The following TMIE variants were observed in gnomAD, a reference collection of about 807,000 sequenced individuals.
TMIE encodes transmembrane inner ear.
A neutral mutation model predicts 16.8 loss-of-function variants in TMIE; 14 were observed. The ratio of observed to expected loss-of-function variants is 0.83; its 90% CI spans 0.55 to 1.30. The LOEUF (loss-of-function observed/expected upper bound fraction) is 1.30, where lower values mean the gene tolerates loss of function less well. Ranked by LOEUF, TMIE falls within the 50% of genes most tolerant of loss-of-function variation. The probability of loss-of-function intolerance (pLI) is 0.00; values close to 1 mark genes in which losing one functional copy is unlikely to be tolerated. For missense variants in TMIE, 204 were observed against 205.9 expected (o/e 0.99, Z 0.06); for synonymous variants, 75 against 87.2 (o/e 0.86, Z 0.78).
At chr3:46,697,137 T>C (rs750440059), upstream of TMIE, among the ~76,000 whole-genome samples, 1 of 151,342 alleles carries the variant, frequency 6.6e-6, no homozygotes. Flanking sequence ...AAAAAACCCA[T>C]GTGGTGTTAG....
At chr3:46,706,488 T>A (rs1343473686) in intron 2 of TMIE, among the ~76,000 whole-genome samples, 2 of 151,930 alleles carry the variant, frequency 1.3e-5, no homozygotes, top group Admixed American at 1.3e-4. Context: ...CCCCTCAGAA[T>A]GGAGGTCTGG....
In TMIE at chr3:46,701,651, C is replaced by T. The variant is rs1700479520; in HGVS notation, c.93+71C>T. ...GCAGGGGGCTGGGGGAGAGGGGACG[C>T]CTTTTTGATCCGGAGCTTGTTTGAT... On this transcript the variant is annotated intron_variant, in intron 1 of 3. Coordinates refer to ENST00000643606, the MANE Select transcript of TMIE (RefSeq NM_147196.3). The surrounding 1 kb of genome is among the most constrained non-coding windows in gnomAD (Gnocchi z 4.3). 5 of 1,159,500 alleles carry T rather than the reference C, an allele frequency of 4.3e-6. No individual in the cohort carries two copies. In the South Asian group the frequency reaches 1.6e-4, roughly 38 times the overall value. The allele number at this position is 1,159,500 out of a possible 1,614,324, so 71.8% of individuals were successfully genotyped here. A position where few individuals can be genotyped will look rare whatever the true frequency, so the allele number is the denominator to read the frequency against.
upstream of TMIE, among the ~76,000 whole-genome samples, chr3:46,698,842 A>C (rs939874739): frequency 6.8e-6 from 1 of 147,528 alleles, no homozygotes. Flanking sequence ...TTCTTTTTTT[A>C]TTTTTTATTT....
At chr3:46,708,956 T>TTG (rs1400383710) in intron 2 of TMIE, among the ~76,000 whole-genome samples, 170 bp from the exon 3 acceptor site, 10 of 152,192 alleles carry the variant, frequency 6.6e-5, no homozygotes, top group Admixed American at 5.9e-4. Flanking sequence ...GAAAGCCACC[T>TTG]TGGTCATCAT....
chr3:46,702,776 C>T (rs186423725), intron 1 of TMIE, among the ~76,000 whole-genome samples: 42 of 152,272 alleles, frequency 2.8e-4, no homozygotes, highest in African/African-American at 1.0e-3. Context: ...TAGCCTGTCC[C>T]TGCTGTTGCC....
rs149011944 is a variant in TMIE, at chr3:46,704,947, C to T, written c.94-843C>T. On this transcript the variant is annotated intron_variant, in intron 1 of 3. Transcript: ENST00000643606. ...CCCTCAGACCTGGGCAGAACTATGT[C>T]CCCTAGACACCCAGGAGAAGGGCTG... Among the ~76,000 whole-genome samples, 67 of 152,160 alleles carry T rather than the reference C, an allele frequency of 4.4e-4. 1 individual carries two copies. The East Asian group carries it at 0.012, about 28-fold the overall frequency.
chr3:46,708,906 A>G (rs906029725), intron 2 of TMIE, among the ~76,000 whole-genome samples: 5 of 152,228 alleles, frequency 3.3e-5, no homozygotes, highest in African/African-American at 9.6e-5. Flanking sequence ...CCTTCCAAGC[A>G]CGGGGGCCTG....
At chr3:46,700,923 C>T (rs1392495130), upstream of TMIE, among the ~76,000 whole-genome samples, 1 of 151,916 alleles carries the variant, frequency 6.6e-6, no homozygotes, top group African/African-American at 2.4e-5. Context: ...ATCCCCTGCT[C>T]TCCAGCTCTG....
At chr3:46,706,016 CA>C (rs1700548675) in intron 2 of TMIE, 109 bp downstream of exon 2, 2 of 1,164,070 alleles carry the variant, frequency 1.7e-6, no homozygotes, top group Non-Finnish European at 2.6e-6. Context: ...GTAGGCCAGG[CA>C]CCCGCAGGAG....
rs1367840958 is a variant in TMIE at position 46,701,770 on chromosome 3, A to T, written c.93+190A>T. Among the ~76,000 whole-genome samples the T allele has an allele frequency of 6.6e-6, 1 of 152,066 alleles. No individual in the cohort carries two copies. The highest frequency in any genetic ancestry group is 2.4e-5 in the African/African-American group (1 of 41,386). On this transcript the variant is annotated intron_variant, in intron 1 of 3. Transcript: ENST00000643606. The surrounding 1 kb of genome is among the most constrained non-coding windows in gnomAD (Gnocchi z 4.3). ...GTGAGAGAGACTCAGCCCCACTCTT[A>T]GGGTCCCTGGTCTGATGGAAGGGCA...
upstream of TMIE, among the ~76,000 whole-genome samples, chr3:46,698,493 C>T (rs1320612709): frequency 6.6e-6 from 1 of 151,974 alleles, no homozygotes; most frequent in Non-Finnish European, 1.5e-5. Flanking sequence ...TGCTATGTTG[C>T]CCAGGCTAGT....
At chr3:46,707,537 C>G (rs966602552) in intron 2 of TMIE, among the ~76,000 whole-genome samples, 3 of 152,208 alleles carry the variant, frequency 2.0e-5, no homozygotes, top group African/African-American at 7.2e-5. Flanking sequence ...AGCATCACCC[C>G]CAAAGCCCTG....
At chr3:46,707,014 G>C (rs537836618) in intron 2 of TMIE, among the ~76,000 whole-genome samples, 5 of 152,376 alleles carry the variant, frequency 3.3e-5, no homozygotes, top group South Asian at 2.1e-4. Flanking sequence ...GCTGTCCCAA[G>C]AGAAAATATC....
chr3:46,705,148 A>T (rs963607067), intron 1 of TMIE, among the ~76,000 whole-genome samples: 28 of 152,130 alleles, frequency 1.8e-4, no homozygotes, highest in African/African-American at 5.6e-4. Flanking sequence ...GCTGTGCTCT[A>T]TTCAGGCTTG....
chr3:46,703,866 C>G (rs1266475653), intron 1 of TMIE, among the ~76,000 whole-genome samples: 1 of 152,166 alleles, frequency 6.6e-6, no homozygotes, highest in Non-Finnish European at 1.5e-5. Flanking sequence ...GGTTGCCTTT[C>G]TTCTCAGAGA....
In TMIE at chr3:46,709,773, G is replaced by A. The variant is rs893218661; in HGVS notation, c.*85G>A. ...GGCATGTTGGACTCTGAGCTCATTT[G>A]GGGACCACAGAGGCTGTGGTCAGAG... is the stretch of plus-strand genomic sequence containing the variant. On this transcript the variant is annotated 3_prime_UTR_variant, in exon 4 of 4. Transcript: ENST00000643606. 5.3e-5 allele frequency: 85 copies of A among 1,594,652 alleles called. No homozygotes were observed. The highest frequency in any genetic ancestry group is 7.3e-5 in the Non-Finnish European group (85 of 1,171,718).
chr3:46,709,345 G>A (rs1363550651), intron 3 of TMIE, 70 bp downstream of exon 3: 121 of 1,610,330 alleles, frequency 7.5e-5, no homozygotes, highest in Non-Finnish European at 9.5e-5. Flanking sequence ...GAGTCACCCT[G>A]TTCCTCTGCT....
intron 2 of TMIE, among the ~76,000 whole-genome samples, chr3:46,707,232 A>T (rs1700562411): frequency 6.6e-6 from 1 of 152,232 alleles, no homozygotes. Context: ...ACAGCCTAGG[A>T]TGCAGGTCTA....
At chr3:46,699,597 T>C (rs545212873), upstream of TMIE, among the ~76,000 whole-genome samples, 1 of 152,290 alleles carries the variant, frequency 6.6e-6, no homozygotes, top group South Asian at 2.1e-4. Flanking sequence ...TACTGTAAGA[T>C]CTCAGCTGTG....
Sources: gnomAD v4.1 joint callset for allele counts (sites outside exome capture counted in the v4.1 genomes callset) on GRCh38, gnomAD v4.1.1 for gene constraint, Gnocchi (gnomAD v3.1) non-coding constraint, MANE v1.5 for transcripts, NCBI Gene and HGNC (gene_info 2026-07-23, HGNC 2026-07-21) for gene names.